Variants in PTPRT observed in about 807,000 individuals in gnomAD.
PTPRT encodes receptor-type tyrosine-protein phosphatase T.
Under a neutral mutation model 176.8 loss-of-function variants are expected in PTPRT, and 56 were observed. The observed-to-expected ratio is 0.32, with a 90% CI of 0.26 to 0.40. PTPRT has a LOEUF of 0.40. PTPRT is among the 10% of genes least tolerant of loss of function. The pLI, the probability that PTPRT is intolerant of heterozygous loss-of-function variation, is 1.00. For synonymous variants in PTPRT, 783 were observed against 739.0 expected (o/e 1.06, Z -0.96); for missense variants, 1,540 against 1,908.2 (o/e 0.81, Z 3.60).
intron 7 of PTPRT, among the ~76,000 whole-genome samples, chr20:42,652,306 T>G (rs767077947): frequency 2.4e-4 from 36 of 152,120 alleles, no homozygotes; most frequent in Non-Finnish European, 4.3e-4. Context: ...CACGTAGCCC[T>G]TCATTCATTT....
chr20:42,371,947 C>G (rs924887641), intron 9 of PTPRT, among the ~76,000 whole-genome samples: 1 of 152,074 alleles, frequency 6.6e-6, no homozygotes, highest in Non-Finnish European at 1.5e-5. Context: ...GTAGGTTGGT[C>G]CAGAATGTAG....
chr20:42,657,323 C>A (rs1205104561), intron 7 of PTPRT, among the ~76,000 whole-genome samples: 6 of 152,148 alleles, frequency 3.9e-5, no homozygotes, highest in Admixed American at 2.6e-4. Context: ...CCAAGGGGAC[C>A]CTTTGGAGCA....
chr20:42,169,791 C>CACACACACACACAA (rs752547377), intron 16 of PTPRT, among the ~76,000 whole-genome samples: 41 of 98,306 alleles, frequency 4.2e-4, no homozygotes, highest in African/African-American at 1.3e-3. Flanking sequence ...CACACACACA[C>CACACACACACACAA]AACAGTCAGT....
At chr20:42,449,053 C>G (rs1038953817) in intron 8 of PTPRT, among the ~76,000 whole-genome samples, 2 of 152,110 alleles carry the variant, frequency 1.3e-5, no homozygotes, top group Non-Finnish European at 2.9e-5. Flanking sequence ...ATTTTCTTCA[C>G]TCTGCCAAGT....
At chr20:42,859,745 G>A (rs907766671) in intron 2 of PTPRT, among the ~76,000 whole-genome samples, 10 of 150,648 alleles carry the variant, frequency 6.6e-5, no homozygotes, top group Admixed American at 3.3e-4. Flanking sequence ...CACCATGGCC[G>A]GCTAATTTTT....
intron 1 of PTPRT, among the ~76,000 whole-genome samples, chr20:43,026,406 G>A (rs1219785084): frequency 6.6e-6 from 1 of 152,138 alleles, no homozygotes; most frequent in African/African-American, 2.4e-5. Flanking sequence ...GTTAGCCACC[G>A]AAGCCCAGCC....
intron 25 of PTPRT, among the ~76,000 whole-genome samples, chr20:42,102,816 C>T (rs893260557): frequency 6.6e-6 from 1 of 152,224 alleles, no homozygotes; most frequent in African/African-American, 2.4e-5. Context: ...GGGGCAAACC[C>T]TAACAGGTCT....
Position 42,385,720 on chromosome 20 carries a change from C to A in PTPRT, c.1561-33435G>T, listed in dbSNP as rs568727816. On this transcript the variant is annotated intron_variant, in intron 9 of 30. Coordinates refer to ENST00000373187, the MANE Select transcript of PTPRT (RefSeq NM_007050.6). ...CAAGGAGGAGCAAAGTCAAGTCTTA[C>A]ATGGCAGCAGGCAAGAGAGCTTGTG... is the stretch of plus-strand genomic sequence containing the variant. 6.6e-5 allele frequency among the ~76,000 whole-genome samples: 10 copies of A among 152,282 alleles called. No individual in the cohort carries two copies. In the East Asian group the frequency reaches 1.9e-3, roughly 29 times the overall value.
chr20:42,529,791 A>C (rs1442381880), intron 7 of PTPRT, among the ~76,000 whole-genome samples: 3 of 151,420 alleles, frequency 2.0e-5, no homozygotes, highest in Non-Finnish European at 1.5e-5. Context: ...CTGGCCTCAA[A>C]GTAAATTTTA....
At position 42,402,212 on chromosome 20, in the gene PTPRT, T is replaced by C. The variant is rs139229566; in HGVS notation, c.1560+46008A>G. ...CCACTGCCTCAGTTTCTGTTGTGGG[T>C]TTTGGTTCCCCAAAACATCCCTGAC... On this transcript the variant is annotated intron_variant, in intron 9 of 30. Coordinates refer to ENST00000373187, the MANE Select transcript of PTPRT (RefSeq NM_007050.6). Among the ~76,000 whole-genome samples, 534 of 152,012 alleles carry C rather than the reference T, an allele frequency of 3.5e-3. 3 individuals carry two copies. The highest frequency in any genetic ancestry group is 0.013 in the African/African-American group (522 of 41,478).
intron 7 of PTPRT, among the ~76,000 whole-genome samples, chr20:42,500,762 C>T (rs1203114504): frequency 6.6e-6 from 1 of 151,906 alleles, no homozygotes; most frequent in Non-Finnish European, 1.5e-5. Context: ...TTTTCTATTC[C>T]TAGATTTATA....
intron 1 of PTPRT, among the ~76,000 whole-genome samples, chr20:42,892,723 A>G (rs76536480): frequency 0.036 from 5,475 of 152,162 alleles, 344 homozygotes; most frequent in African/African-American, 0.13. Flanking sequence ...CTTGGGGGAG[A>G]CGTCAGCACT....
intron 1 of PTPRT, among the ~76,000 whole-genome samples, chr20:43,077,143 T>G (rs1407432128): frequency 6.6e-6 from 1 of 152,228 alleles, no homozygotes; most frequent in African/African-American, 2.4e-5. Context: ...TGGAATTTGA[T>G]GAATAAACAG....
At chr20:43,097,419 T>C (rs141054798) in intron 1 of PTPRT, among the ~76,000 whole-genome samples, 4 of 152,314 alleles carry the variant, frequency 2.6e-5, no homozygotes, top group African/African-American at 7.2e-5. Flanking sequence ...GATGATGATA[T>C]AGGAAAGTGA....
chr20:42,149,286 C>A (rs1431644831), intron 17 of PTPRT, among the ~76,000 whole-genome samples: 3 of 152,116 alleles, frequency 2.0e-5, no homozygotes, highest in Non-Finnish European at 4.4e-5. Context: ...GGGAGGCTCT[C>A]CAGAGCAGAG....
In PTPRT at chr20:42,604,223, C is replaced by T. The variant is rs1021674246; in HGVS notation, c.1153+73643G>A. Among the ~76,000 whole-genome samples the T allele has an allele frequency of 2.0e-5, 3 of 152,300 alleles. No homozygotes were observed. The South Asian group carries it at 6.2e-4, about 32-fold the overall frequency. ...TATCTCTCCTCCATTTGTCCCCCCG[C>T]TCTGCATTTCCTGGTTTTTTCAACA... On this transcript the variant is annotated intron_variant, in intron 7 of 30. Transcript: ENST00000373187.
chr20:42,422,426 C>T (rs564234179), intron 9 of PTPRT, among the ~76,000 whole-genome samples: 15 of 152,184 alleles, frequency 9.9e-5, no homozygotes, highest in South Asian at 2.1e-4. Context: ...AGACAACAGG[C>T]GGCAAACAAA....
chr20:43,013,111 C>A (rs1767328934), intron 1 of PTPRT, among the ~76,000 whole-genome samples: 1 of 151,824 alleles, frequency 6.6e-6, no homozygotes, highest in Non-Finnish European at 1.5e-5. Context: ...CACTGTATAT[C>A]TGCTTATGTA....
At chr20:42,409,481 CAAAAAAAAAAAAAAAAAAAAAAAAA>C (rs58932390) in intron 9 of PTPRT, among the ~76,000 whole-genome samples, 7 of 112,134 alleles carry the variant, frequency 6.2e-5, no homozygotes, top group Non-Finnish European at 8.9e-5. Context: ...GACTCTGTCG[CAAAAAAAAAAAAAAAAAAAAAAAAA>C]AAAAAAAAAA....
Sources: gnomAD v4.1 joint callset for allele counts (sites outside exome capture counted in the v4.1 genomes callset) on GRCh38, gnomAD v4.1.1 for gene constraint, MANE v1.5 for transcripts, NCBI Gene and HGNC (gene_info 2026-07-23, HGNC 2026-07-21) for gene names.